Variants in HECW1 observed in about 807,000 individuals in gnomAD.
HECW1 encodes the protein HECT, C2 and WW domain containing E3 ubiquitin protein ligase 1.
In HECW1, 61 loss-of-function variants were observed where a neutral mutation model predicts 182.3. The ratio of observed to expected loss-of-function variants is 0.33; its 90% CI spans 0.27 to 0.41. HECW1 has a LOEUF of 0.41. Ranked by LOEUF, HECW1 falls within the 10% of genes least tolerant of loss-of-function variation. The pLI is 1.00. For missense variants in HECW1, 1,739 were observed against 2,108.9 expected (o/e 0.82, Z 3.44); for synonymous variants, 859 against 832.6 (o/e 1.03, Z -0.55).
At chr7:43,187,829 G>A (rs1041039326) in intron 2 of HECW1, among the ~76,000 whole-genome samples, 1 of 152,096 alleles carries the variant, frequency 6.6e-6, no homozygotes, top group African/African-American at 2.4e-5. Context: ...GTAGATGGGA[G>A]CTCTATATCT....
chr7:43,523,114 C>T (rs1431021404), intron 24 of HECW1: 1 of 383,416 alleles, frequency 2.6e-6, no homozygotes, highest in Non-Finnish European at 5.2e-6. Context: ...AGCAATTCTC[C>T]TGCCTCAGCC....
chr7:43,552,367 G>C, intron 28 of HECW1, 31 bp downstream of exon 28: 11 of 1,247,932 alleles, frequency 8.8e-6, no homozygotes, highest in South Asian at 1.2e-5. Context: ...ATGATGCAAT[G>C]ATCACAAATA....
At chr7:43,272,288 A>G (rs896086251) in intron 3 of HECW1, among the ~76,000 whole-genome samples, 5 of 152,160 alleles carry the variant, frequency 3.3e-5, no homozygotes, top group Non-Finnish European at 7.4e-5. Flanking sequence ...GAAAGAATTT[A>G]TAAGTCCTCA....
At chr7:43,394,955 G>C (rs768856246) in intron 6 of HECW1, among the ~76,000 whole-genome samples, 7 of 152,104 alleles carry the variant, frequency 4.6e-5, no homozygotes, top group Non-Finnish European at 8.8e-5. Flanking sequence ...AATGCTGATT[G>C]GTCAGAGATG....
At chr7:43,157,634 C>T (rs1367305608) in intron 2 of HECW1, among the ~76,000 whole-genome samples, 1 of 152,192 alleles carries the variant, frequency 6.6e-6, no homozygotes, top group Admixed American at 6.5e-5. Flanking sequence ...AGTCTCAGCT[C>T]ACTGCAACCT....
intron 2 of HECW1, among the ~76,000 whole-genome samples, chr7:43,163,844 G>A (rs1314105029): frequency 5.3e-5 from 8 of 152,216 alleles, no homozygotes; most frequent in African/African-American, 1.9e-4. Context: ...AAGCAAAGAT[G>A]AGGGTATTGC....
chr7:43,226,809 A>G (rs942162184), intron 2 of HECW1, among the ~76,000 whole-genome samples: 1 of 152,222 alleles, frequency 6.6e-6, no homozygotes, highest in Non-Finnish European at 1.5e-5. Context: ...TCTCCCGCAC[A>G]TGGGCGCCCT....
intron 2 of HECW1, among the ~76,000 whole-genome samples, chr7:43,222,593 C>A (rs1445638536): frequency 6.6e-6 from 1 of 152,158 alleles, no homozygotes; most frequent in African/African-American, 2.4e-5. Flanking sequence ...GAATTAGAGT[C>A]TAAAGATACT....
At chr7:43,274,674 C>G in intron 3 of HECW1, 1 of 281,976 alleles carries the variant, frequency 3.5e-6, no homozygotes, top group Non-Finnish European at 6.9e-6. Flanking sequence ...CGAGAGAGAG[C>G]GCGCAGTAAA....
chr7:43,197,834 A>G (rs551193700), intron 2 of HECW1, among the ~76,000 whole-genome samples: 1 of 152,184 alleles, frequency 6.6e-6, no homozygotes, highest in South Asian at 2.1e-4. Context: ...GGATTTCAAG[A>G]TGGCGACAGC....
intron 9 of HECW1, among the ~76,000 whole-genome samples, chr7:43,441,634 G>T (rs539868542): frequency 3.7e-4 from 57 of 152,268 alleles, no homozygotes; most frequent in African/African-American, 1.3e-3. Context: ...GGCTTTGCAA[G>T]GCCCACAGTC....
chr7:43,135,551 A>G (rs1321327258), intron 2 of HECW1, among the ~76,000 whole-genome samples: 3 of 152,202 alleles, frequency 2.0e-5, no homozygotes, highest in Non-Finnish European at 2.9e-5. Flanking sequence ...TCTCTTGACT[A>G]AGGAAATGCT....
At chr7:43,113,661 C>T (rs116845526) in intron 1 of HECW1, 9,093 of 149,300 alleles carry the variant, frequency 0.061, 279 homozygotes, top group Middle Eastern at 0.19. Flanking sequence ...AGGGAGCTGC[C>T]GGGGCGGGGA....
chr7:43,160,978 G>GT (rs1040257375), intron 2 of HECW1, among the ~76,000 whole-genome samples: 46 of 149,282 alleles, frequency 3.1e-4, no homozygotes, highest in South Asian at 1.5e-3. Flanking sequence ...ATTTCTACAG[G>GT]TTTTTTTTTT....
chr7:43,370,924 G>A (rs1704338184), intron 6 of HECW1, among the ~76,000 whole-genome samples: 1 of 145,788 alleles, frequency 6.9e-6, no homozygotes, highest in East Asian at 2.0e-4. Flanking sequence ...GTCTTGCTCT[G>A]TCACCCAGGC....
Position 43,112,656 on chromosome 7 carries a change from G to A in HECW1, c.-548G>A, listed in dbSNP as rs1009228511. 1.8e-5 allele frequency: 4 copies of A among 228,394 alleles called. No individual in the cohort carries two copies. Among genetic ancestry groups the A allele is most frequent in the Non-Finnish European group, 3.5e-5 (4 of 114,790 alleles). The allele number at this position is 228,394 out of a possible 1,614,324, so 14.1% of individuals were successfully genotyped here. A position where few individuals can be genotyped will look rare whatever the true frequency, so the allele number is the denominator to read the frequency against. On this transcript the variant is annotated 5_prime_UTR_variant, in exon 1 of 30. Coordinates refer to ENST00000395891, the MANE Select transcript of HECW1 (RefSeq NM_015052.5). ...TGTGCTGCGTTACCGCGCATCAGGC[G>A]CTGTTGTTGGAGCCGGAACACCGTG...
chr7:43,502,118 C>T (rs541008868), intron 21 of HECW1, among the ~76,000 whole-genome samples: 14 of 152,338 alleles, frequency 9.2e-5, no homozygotes, highest in Admixed American at 3.9e-4. Flanking sequence ...GCATTTCAAA[C>T]GGAAGAGCCC....
At chr7:43,419,134 C>T (rs1034485375) in intron 8 of HECW1, among the ~76,000 whole-genome samples, 1 of 152,274 alleles carries the variant, frequency 6.6e-6, no homozygotes, top group African/African-American at 2.4e-5. Flanking sequence ...TTCCGGAATT[C>T]CTCCTTTACT....
chr7:43,253,779 G>T (rs1355904246), intron 3 of HECW1, among the ~76,000 whole-genome samples: 1 of 152,232 alleles, frequency 6.6e-6, no homozygotes, highest in East Asian at 1.9e-4. Context: ...ATTGTGGCAG[G>T]TGCCTGTAAT....
Sources: gnomAD v4.1 joint callset for allele counts (sites outside exome capture counted in the v4.1 genomes callset) on GRCh38, gnomAD v4.1.1 for gene constraint, MANE v1.5 for transcripts, NCBI Gene and HGNC (gene_info 2026-07-23, HGNC 2026-07-21) for gene names.